The following DMTF1 variants were observed in gnomAD, a reference collection of about 807,000 sequenced individuals.
DMTF1 encodes the protein cyclin D binding myb like transcription factor 1.
In DMTF1, 39 loss-of-function variants were observed where a neutral mutation model predicts 91.1. The ratio of observed to expected loss-of-function variants is 0.43; its 90% confidence interval spans 0.33 to 0.56. The LOEUF (loss-of-function observed/expected upper bound fraction) is 0.56, where lower values mean the gene tolerates loss of function less well. Among genes scored for constraint, DMTF1 ranks in the 20% least tolerant of loss-of-function variants. DMTF1 has a pLI of 0.05. For synonymous variants in DMTF1, 338 were observed against 309.5 expected, an observed-to-expected ratio of 1.09 and a Z score of -0.97; for missense variants, 750 against 914.5, an observed-to-expected ratio of 0.82 and a Z score of 2.32.
chr7:87,179,715 G>A lies in DMTF1; in HGVS notation c.677+13G>A. On this transcript the variant is annotated intron_variant, in intron 8 of 17. Coordinates refer to ENST00000331242, the MANE Select transcript of DMTF1 (RefSeq NM_001142327.2). ...ACCATGTGGGAAAGTATGAGAACTT[G>A]TAATGCTGCATGTTTTCATGTAATT... 6.4e-7 allele frequency: 1 copy of A among 1,557,226 alleles called. No individual in the cohort carries two copies. Among genetic ancestry groups the A allele is most frequent in the Admixed American group, 2.2e-5 (1 of 45,662 alleles).
rs1244413738 is a variant in DMTF1 at position 87,194,014 on chromosome 7, T to C, written c.1940T>C (p.Val647Ala). 1.2e-6 allele frequency: 2 copies of C among 1,613,136 alleles called. No homozygotes were observed. Among genetic ancestry groups the C allele is most frequent in the Non-Finnish European group, 1.7e-6 (2 of 1,179,562 alleles). Residue 647 changes from valine to alanine, a missense_variant, in exon 16 of 18, where the codon GTT becomes GCT. Val to Ala is a moderately conservative substitution (Grantham distance 64). Coordinates refer to ENST00000331242, the MANE Select transcript of DMTF1 (RefSeq NM_001142327.2). ...AATAGCACAGAACTGATGAATAGTG[T>C]TATGGTCAGAACAGAAGAAGAAATC... The part of the protein sequence containing the change: ...DQNSTELMNS[V>A]MVRTEEEISD...
At position 87,164,848 on chromosome 7, in the gene DMTF1, G is replaced by A. The variant is rs1793442016; in HGVS notation, c.-8-86G>A. 6 of 662,644 alleles carry A rather than the reference G, an allele frequency of 9.1e-6. No individual in the cohort carries two copies. In the East Asian group the frequency reaches 1.8e-4, roughly 20 times the overall value. 41.0% of individuals were successfully genotyped at this position (662,644 alleles called of 1,614,324 possible). The stretch of plus-strand genomic sequence containing the variant: ...TGTAGGCAGATACCCAAATAAATGT[G>A]TGTGGTATTTCAGGGGATTATAAGG... On this transcript the variant is annotated intron_variant, in intron 2 of 17. Coordinates refer to ENST00000331242, the MANE Select transcript of DMTF1 (RefSeq NM_001142327.2).
chr7:87,159,631 G>A (rs894584673), intron 1 of DMTF1, among the ~76,000 whole-genome samples: 7 of 152,078 alleles, frequency 4.6e-5, no homozygotes, highest in Non-Finnish European at 5.9e-5. Context: ...GTATCTTCTC[G>A]TTTTTAGTGT....
Position 87,166,482 on chromosome 7 carries a change from G to C in DMTF1, c.110-1G>C. 1 of 1,607,456 alleles carries C rather than the reference G, an allele frequency of 6.2e-7. No homozygotes were observed. Among genetic ancestry groups the C allele is most frequent in the Non-Finnish European group, 8.5e-7 (1 of 1,177,964 alleles). On this transcript the variant is annotated splice_acceptor_variant, in intron 3 of 17. Coordinates refer to ENST00000331242, the MANE Select transcript of DMTF1 (RefSeq NM_001142327.2). LOFTEE classifies it high-confidence loss of function. ...TTTGTTTGTTTGTTTTCTTCCATTA[G>C]AAGCGGATGAAATAGACTCAGAAGA...
intron 10 of DMTF1, among the ~76,000 whole-genome samples, chr7:87,183,348 C>T (rs1004710654): frequency 6.6e-6 from 1 of 152,144 alleles, no homozygotes; most frequent in Admixed American, 6.5e-5. Flanking sequence ...GAGTACAGAA[C>T]CCCTTTTGGT....
chr7:87,193,460 C>T, intron 15 of DMTF1, 107 bp downstream of exon 15: 1 of 1,150,862 alleles, frequency 8.7e-7, no homozygotes, highest in African/African-American at 1.5e-5. Flanking sequence ...CCTACTGCTG[C>T]TGTTCCAGGC....
chr7:87,158,964 A>T (rs1791501958), intron 1 of DMTF1, among the ~76,000 whole-genome samples: 1 of 152,086 alleles, frequency 6.6e-6, no homozygotes, highest in Non-Finnish European at 1.5e-5. Context: ...ACTTTAAAAA[A>T]CTATTATTTG....
Position 87,174,796 on chromosome 7 carries a change from G to A in DMTF1, c.519+127G>A, listed in dbSNP as rs1331219659. 3 of 530,006 alleles carry A rather than the reference G, an allele frequency of 5.7e-6. No individual in the cohort carries two copies. The Admixed American group carries it at 1.1e-4, about 19-fold the overall frequency. The allele number at this position is 530,006 out of a possible 1,614,324, so 32.8% of individuals were successfully genotyped here. On this transcript the variant is annotated intron_variant, in intron 7 of 17. Transcript: ENST00000331242. The stretch of plus-strand genomic sequence containing the variant: ...ATTTTTGTAATGGATTTTCATAATG[G>A]CTAACATGTAGCTGAATAATTCTAA...
At chr7:87,177,341 A>G (rs1796475379) in intron 7 of DMTF1, among the ~76,000 whole-genome samples, 1 of 151,944 alleles carries the variant, frequency 6.6e-6, no homozygotes, top group African/African-American at 2.4e-5. Context: ...GTGGGTGTTA[A>G]TTATGGTTTT....
chr7:87,190,223 C>T (rs1001060675), intron 13 of DMTF1, among the ~76,000 whole-genome samples: 4 of 151,850 alleles, frequency 2.6e-5, no homozygotes, highest in African/African-American at 4.8e-5. Flanking sequence ...ATGTGGTCTT[C>T]GGAAATAATG....
intron 4 of DMTF1, among the ~76,000 whole-genome samples, chr7:87,168,205 A>G (rs748821632): frequency 6.6e-6 from 1 of 152,216 alleles, no homozygotes; most frequent in Non-Finnish European, 1.5e-5. Context: ...CATATTAATC[A>G]TTCTAACTCA....
chr7:87,163,975 C>G (rs1793148691), intron 2 of DMTF1, among the ~76,000 whole-genome samples: 1 of 140,518 alleles, frequency 7.1e-6, no homozygotes, highest in Non-Finnish European at 1.5e-5. Flanking sequence ...CTCAGAAGTT[C>G]AAGGCTCTAG....
chr7:87,154,266 C>G (rs1790100987), intron 1 of DMTF1: 1 of 152,144 alleles, frequency 6.6e-6, no homozygotes, highest in Non-Finnish European at 1.5e-5. Flanking sequence ...TGGAAAAAAC[C>G]ATTATGTTAC....
chr7:87,182,309 C>G lies in DMTF1; in HGVS notation c.792C>G (p.Cys264Trp). The change falls in exon 10 of 18, where the codon TGC becomes TGG. Residue 264 changes from cysteine (C) to tryptophan (W), a missense_variant. Cys to Trp is a radical substitution (Grantham distance 215). This residue lies in a region of DMTF1 where 190 missense variants were observed against 343.8 expected (regional missense o/e 0.55). Transcript: ENST00000331242. ...GRSASSVKDR[C>W]RLMKDTCNTG... ...GTGCATCTTCTGTCAAAGATCGGTGCCGACTGATGAAGGATACTTGCAACA... is the reference window on the plus strand; with the variant it reads ...GTGCATCTTCTGTCAAAGATCGGTGGCGACTGATGAAGGATACTTGCAACA... 6.2e-7 allele frequency: 1 copy of G among 1,614,066 alleles called. No homozygotes were observed. The highest frequency in any genetic ancestry group is 8.5e-7 in the Non-Finnish European group (1 of 1,179,968).
rs752332772 is a variant in DMTF1 at position 87,184,783 on chromosome 7, CTTTT to C, written c.1049+162_1049+165del. The C allele has an allele frequency of 4.1e-6, 3 of 737,310 alleles. No homozygotes were observed. The East Asian group carries it at 8.1e-5, about 20-fold the overall frequency. 45.7% of individuals were successfully genotyped at this position (737,310 alleles called of 1,614,324 possible). A position where few individuals can be genotyped will look rare whatever the true frequency, so the allele number is the denominator to read the frequency against. ...GATCTTAAGTATTTCATATTGAGCT[CTTTT>C]TTTGTGTTGTGTTTGTTCCTTTTTT... On this transcript the variant is annotated intron_variant, in intron 11 of 17. Transcript: ENST00000331242.
chr7:87,192,281 A>G (rs1366704433), intron 14 of DMTF1, among the ~76,000 whole-genome samples: 2 of 152,168 alleles, frequency 1.3e-5, no homozygotes, highest in East Asian at 3.8e-4. Context: ...ATACATGTAC[A>G]TATAAAGTAT....
intron 5 of DMTF1, among the ~76,000 whole-genome samples, chr7:87,171,770 C>CT (rs1249132903): frequency 3.3e-5 from 5 of 152,104 alleles, no homozygotes; most frequent in Admixed American, 6.6e-5. Context: ...GTAAAATACT[C>CT]TAAGACTGAT....
chr7:87,187,344 G>A (rs549724853), intron 12 of DMTF1: 2 of 152,634 alleles, frequency 1.3e-5, no homozygotes, highest in East Asian at 3.9e-4. Context: ...GACCAGCCTG[G>A]GCAACATAGC....
intron 14 of DMTF1, 87 bp downstream of exon 14, chr7:87,191,114 C>A: frequency 1.2e-6 from 1 of 869,338 alleles, no homozygotes; most frequent in Non-Finnish European, 1.8e-6. Context: ...GCTTATGATT[C>A]ATAAAAGTCT....
Sources: allele counts gnomAD v4.1 joint callset (sites outside exome capture counted in the v4.1 genomes callset), GRCh38; gene constraint gnomAD v4.1.1; regional missense constraint gnomAD v4.1.1; transcripts MANE v1.5; gene names NCBI Gene and HGNC (gene_info 2026-07-23, HGNC 2026-07-21).